Variants in HPCAL1 observed in about 807,000 individuals in gnomAD.
HPCAL1 encodes the protein hippocalcin like 1.
Under a neutral mutation model 17.1 loss-of-function variants are expected in HPCAL1, and 8 were observed. That is an observed-to-expected ratio of 0.47 (90% confidence interval 0.27 to 0.84). The LOEUF is 0.84. Ranked by LOEUF, HPCAL1 falls within the 40% of genes least tolerant of loss-of-function variation. The probability of loss-of-function intolerance (pLI) is 0.13; values close to 1 mark genes in which losing one functional copy is unlikely to be tolerated. For missense variants in HPCAL1, 165 were observed against 271.1 expected (o/e 0.61, Z 2.75); for synonymous variants, 112 against 111.4 (o/e 1.01, Z -0.03).
intron 1 of HPCAL1, among the ~76,000 whole-genome samples, chr2:10,313,307 A>C (rs904605060): frequency 1.3e-5 from 2 of 152,152 alleles, no homozygotes; most frequent in African/African-American, 4.8e-5. Context: ...AGGCCACTTT[A>C]GGTAGGACCC....
rs1384325230 is a variant in HPCAL1, at chr2:10,384,255, C to G, written c.-110-12580C>G. The stretch of plus-strand genomic sequence containing the variant: ...TTCAGTCACATCAGATGAGCTGCTT[C>G]CCCTCACTAGGAGTGGATGGGGCTG... On this transcript the variant is annotated intron_variant, in intron 1 of 4. Transcript: ENST00000307845. This position sits in a 1 kb window ranked among gnomAD's most constrained non-coding sequence, Gnocchi z 4.4. Among the ~76,000 whole-genome samples the G allele has an allele frequency of 6.6e-6, 1 of 152,188 alleles. No homozygotes were observed. The highest frequency in any genetic ancestry group is 2.4e-5 in the African/African-American group (1 of 41,444).
chr2:10,351,924 T>G (rs1665867590), intron 1 of HPCAL1, among the ~76,000 whole-genome samples: 1 of 149,984 alleles, frequency 6.7e-6, no homozygotes, highest in African/African-American at 2.4e-5. Flanking sequence ...TTTTTTTTTT[T>G]GACGGAGTCT....
intron 2 of HPCAL1, among the ~76,000 whole-genome samples, chr2:10,418,446 C>CA (rs58884767): frequency 0.017 from 1,045 of 59,956 alleles, 13 homozygotes; most frequent in Middle Eastern, 0.034. Context: ...GACTCCATCT[C>CA]AAAAAAAAAA....
intron 2 of HPCAL1, among the ~76,000 whole-genome samples, chr2:10,405,225 G>T (rs1406170296): frequency 6.6e-6 from 1 of 152,220 alleles, no homozygotes; most frequent in South Asian, 2.1e-4. Context: ...GGGTCTGCGG[G>T]CTGCTCCCAG....
Position 10,304,952 on chromosome 2 carries a change from G to A in HPCAL1, c.-111+1775G>A, listed in dbSNP as rs1418511221. On this transcript the variant is annotated intron_variant, in intron 1 of 4. Coordinates refer to ENST00000307845, the MANE Select transcript of HPCAL1 (RefSeq NM_002149.4). The surrounding 1 kb of genome is among the most constrained non-coding windows in gnomAD (Gnocchi z 4.1). ...GGCTACGTGATGGTGTTCCCAGAGAGGCGGGCTGCTTTGCGGGCTTTTAGG... is the reference window on the plus strand; with the variant it reads ...GGCTACGTGATGGTGTTCCCAGAGAAGCGGGCTGCTTTGCGGGCTTTTAGG... 6.6e-6 allele frequency among the ~76,000 whole-genome samples: 1 copy of A among 152,212 alleles called. No individual in the cohort carries two copies.
At chr2:10,371,115 G>A (rs530762703) in intron 1 of HPCAL1, among the ~76,000 whole-genome samples, 8 of 152,228 alleles carry the variant, frequency 5.3e-5, no homozygotes, top group Non-Finnish European at 1.0e-4. Flanking sequence ...AGGGCCTGGA[G>A]CAGCAGGGGT....
At chr2:10,319,858 T>C (rs996752798) in intron 1 of HPCAL1, among the ~76,000 whole-genome samples, 4 of 152,092 alleles carry the variant, frequency 2.6e-5, no homozygotes, top group African/African-American at 9.7e-5. Flanking sequence ...AGCCGACTTA[T>C]GCCTTACTAA....
chr2:10,425,349 C>G (rs1671339244), intron 4 of HPCAL1: 1 of 152,480 alleles, frequency 6.6e-6, no homozygotes, highest in Non-Finnish European at 1.5e-5. Context: ...CCCTACCCAC[C>G]CCTTAGCCCG....
Position 10,310,305 on chromosome 2 carries a change from G to A in HPCAL1, c.-111+7128G>A, listed in dbSNP as rs960587473. 6.6e-6 allele frequency among the ~76,000 whole-genome samples: 1 copy of A among 152,130 alleles called. No homozygotes were observed. The highest frequency in any genetic ancestry group is 6.5e-5 in the Admixed American group (1 of 15,274). On this transcript the variant is annotated intron_variant, in intron 1 of 4. Transcript: ENST00000307845. This position sits in a 1 kb window ranked among gnomAD's most constrained non-coding sequence, Gnocchi z 4.5. ...TGTGAGTACCTAGGTGAGTCTGGCTGGTCACGTGTGGAATAAGTGGTGGTG... is the reference window on the plus strand; with the variant it reads ...TGTGAGTACCTAGGTGAGTCTGGCTAGTCACGTGTGGAATAAGTGGTGGTG...
Position 10,384,416 on chromosome 2 carries a change from T to C in HPCAL1, c.-110-12419T>C, listed in dbSNP as rs1668175635. Among the ~76,000 whole-genome samples the C allele has an allele frequency of 6.6e-6, 1 of 152,168 alleles. No homozygotes were observed. Among genetic ancestry groups the C allele is most frequent in the Non-Finnish European group, 1.5e-5 (1 of 68,012 alleles). ...CCTGGGGAGAGAGGAGAGCCCAGGT[T>C]ACCATCTGTGGTGTCCCCTCGCTCA... On this transcript the variant is annotated intron_variant, in intron 1 of 4. Transcript: ENST00000307845. The surrounding 1 kb of genome is among the most constrained non-coding windows in gnomAD (Gnocchi z 4.4).
At chr2:10,349,376 T>C (rs1056055649) in intron 1 of HPCAL1, among the ~76,000 whole-genome samples, 3 of 151,834 alleles carry the variant, frequency 2.0e-5, no homozygotes, top group Non-Finnish European at 4.4e-5. Context: ...GGCAGGGAGT[T>C]GGGTAATTGA....
intron 1 of HPCAL1, among the ~76,000 whole-genome samples, chr2:10,339,797 C>G (rs116258036): frequency 0.011 from 1,705 of 152,330 alleles, 35 homozygotes; most frequent in African/African-American, 0.04. Flanking sequence ...CATGTTCATG[C>G]CCGGCAGGAC....
chr2:10,360,838 T>C (rs1477887241), intron 1 of HPCAL1, among the ~76,000 whole-genome samples: 1 of 151,816 alleles, frequency 6.6e-6, no homozygotes, highest in East Asian at 2.0e-4. Flanking sequence ...TCTCCTCTCT[T>C]GTCTCTCCTC....
chr2:10,406,940 G>A (rs977914855), intron 2 of HPCAL1, among the ~76,000 whole-genome samples: 2 of 152,050 alleles, frequency 1.3e-5, no homozygotes, highest in Non-Finnish European at 2.9e-5. Flanking sequence ...ATGTATGTCC[G>A]TTTCACTCAC....
chr2:10,399,512 C>T (rs1310350304), intron 2 of HPCAL1, among the ~76,000 whole-genome samples: 2 of 126,560 alleles, frequency 1.6e-5, no homozygotes, highest in East Asian at 4.6e-4. Flanking sequence ...TCACCACCAC[C>T]GCCGCCACCA....
At chr2:10,405,119 T>C (rs1669890566) in intron 2 of HPCAL1, among the ~76,000 whole-genome samples, 1 of 152,212 alleles carries the variant, frequency 6.6e-6, no homozygotes, top group Admixed American at 6.5e-5. Flanking sequence ...ATTCCCATTT[T>C]ACAGTCAAGG....
Position 10,319,570 on chromosome 2 carries a change from AGGTGGGGTGGGGTGG to A in HPCAL1, c.-111+16410_-111+16424del, listed in dbSNP as rs57294658. ...TTCAGGGGATGATAGGCTGACGGGCAGGTGGGGTGGGGTGGGGTGGGGTGGGGTGGGCAGACTAAT... is the reference window on the plus strand; with the variant it reads ...TTCAGGGGATGATAGGCTGACGGGCAGGTGGGGTGGGGTGGGCAGACTAAT... On this transcript the variant is annotated intron_variant, in intron 1 of 4. Coordinates refer to ENST00000307845, the MANE Select transcript of HPCAL1 (RefSeq NM_002149.4). Among the ~76,000 whole-genome samples, 7 of 31,324 alleles carry A rather than the reference AGGTGGGGTGGGGTGG, an allele frequency of 2.2e-4. No homozygotes were observed. The Admixed American group carries it at 2.3e-3, about 10-fold the overall frequency. 20.5% of individuals were successfully genotyped at this position (31,324 alleles called of 152,430 possible). A position where few individuals can be genotyped will look rare whatever the true frequency, so the allele number is the denominator to read the frequency against.
At chr2:10,423,503 G>T (rs1463336818) in intron 4 of HPCAL1, 1 of 189,040 alleles carries the variant, frequency 5.3e-6, no homozygotes, top group Non-Finnish European at 1.1e-5. Context: ...CCTGAGAGAA[G>T]AAGCTGCCCA....
chr2:10,387,985 G>A (rs1289275432), intron 1 of HPCAL1, among the ~76,000 whole-genome samples: 1 of 152,178 alleles, frequency 6.6e-6, no homozygotes, highest in Non-Finnish European at 1.5e-5. Flanking sequence ...ATGCAGGGGT[G>A]GAGGGAGGCC....
Sources: gnomAD v4.1 joint callset for allele counts (sites outside exome capture counted in the v4.1 genomes callset) on GRCh38, gnomAD v4.1.1 for gene constraint, Gnocchi (gnomAD v3.1) non-coding constraint, MANE v1.5 for transcripts, NCBI Gene and HGNC (gene_info 2026-07-23, HGNC 2026-07-21) for gene names.